NRG3: variants seen among roughly 807,000 people sequenced by gnomAD.
The protein encoded by NRG3 is neuregulin 3.
In NRG3, 31 loss-of-function variants were observed where a neutral mutation model predicts 66.9. The observed-to-expected ratio is 0.46, with a 90% CI of 0.35 to 0.63. The LOEUF is 0.63. Among genes scored for constraint, NRG3 ranks in the 20% least tolerant of loss-of-function variants. The pLI, the probability that NRG3 is intolerant of heterozygous loss-of-function variation, is 0.00. For synonymous variants in NRG3, 393 were observed against 359.4 expected (o/e 1.09, Z -1.06); for missense variants, 910 against 878.9 (o/e 1.04, Z -0.45).
intron 2 of NRG3, among the ~76,000 whole-genome samples, chr10:82,592,508 G>T (rs563413118): frequency 5.9e-5 from 9 of 152,116 alleles, no homozygotes; most frequent in Non-Finnish European, 1.2e-4. Context: ...TGCATTTTTC[G>T]TGGGTAGCTT....
intron 1 of NRG3, among the ~76,000 whole-genome samples, chr10:82,168,234 G>T (rs1165305736): frequency 6.6e-6 from 1 of 151,968 alleles, no homozygotes; most frequent in African/African-American, 2.4e-5. Context: ...TCAACATTTG[G>T]CTGTCTGCTT....
At chr10:82,456,745 A>T (rs1296735915) in intron 2 of NRG3, among the ~76,000 whole-genome samples, 1 of 152,148 alleles carries the variant, frequency 6.6e-6, no homozygotes, top group Non-Finnish European at 1.5e-5. Context: ...CAAATAAAAC[A>T]ACTCCCTAGA....
chr10:82,468,177 T>C (rs888440005), intron 2 of NRG3, among the ~76,000 whole-genome samples: 2 of 152,216 alleles, frequency 1.3e-5, no homozygotes, highest in African/African-American at 4.8e-5. Flanking sequence ...AACTAGGATT[T>C]AAACCCAGGT....
chr10:82,785,646 A>T (rs897384476), intron 3 of NRG3, among the ~76,000 whole-genome samples: 1 of 152,216 alleles, frequency 6.6e-6, no homozygotes, highest in African/African-American at 2.4e-5. Context: ...GGGATGAACT[A>T]GGACATCTGT....
intron 1 of NRG3, among the ~76,000 whole-genome samples, chr10:81,943,064 T>G (rs1310145975): frequency 6.6e-6 from 1 of 152,124 alleles, no homozygotes; most frequent in Non-Finnish European, 1.5e-5. Context: ...ACACTTTACA[T>G]CTCTTATTTA....
chr10:82,734,578 A>G (rs917230099), intron 2 of NRG3, among the ~76,000 whole-genome samples: 1 of 151,886 alleles, frequency 6.6e-6, no homozygotes, highest in African/African-American at 2.4e-5. Flanking sequence ...TGAGGGACCA[A>G]TCTCTCTTAT....
intron 1 of NRG3, among the ~76,000 whole-genome samples, chr10:82,021,786 A>G (rs5786524): frequency 0.024 from 1,469 of 61,092 alleles, 48 homozygotes; most frequent in African/African-American, 0.064. Context: ...GGCATGTAGT[A>G]TGTGTGTGTG....
At chr10:82,734,451 T>C (rs577409890) in intron 2 of NRG3, among the ~76,000 whole-genome samples, 1 of 152,198 alleles carries the variant, frequency 6.6e-6, no homozygotes, top group Non-Finnish European at 1.5e-5. Flanking sequence ...TAAGGCAAGA[T>C]TTGCTGTGGG....
At chr10:82,459,314 C>T (rs1159509903) in intron 2 of NRG3, among the ~76,000 whole-genome samples, 1 of 152,168 alleles carries the variant, frequency 6.6e-6, no homozygotes, top group African/African-American at 2.4e-5. Context: ...CAGAGTTGCA[C>T]TGGTTTCTAA....
intron 1 of NRG3, among the ~76,000 whole-genome samples, chr10:82,101,718 A>G (rs1422505437): frequency 6.6e-6 from 1 of 151,584 alleles, no homozygotes; most frequent in Non-Finnish European, 1.5e-5. Context: ...ATTATTTTAA[A>G]TTTGCTAAGG....
At chr10:82,371,504 T>C (rs546395101) in intron 2 of NRG3, among the ~76,000 whole-genome samples, 60 of 152,274 alleles carry the variant, frequency 3.9e-4, no homozygotes, top group Non-Finnish European at 7.4e-5. Context: ...AAGAATATAG[T>C]GATGAATGTT....
chr10:82,967,400 A>T (rs974758266), intron 6 of NRG3, among the ~76,000 whole-genome samples: 2 of 151,910 alleles, frequency 1.3e-5, no homozygotes, highest in Non-Finnish European at 2.9e-5. Flanking sequence ...ATAAATTTCC[A>T]CTCCAACAGT....
chr10:82,889,582 T>A (rs537344632), intron 4 of NRG3, among the ~76,000 whole-genome samples: 1 of 152,178 alleles, frequency 6.6e-6, no homozygotes. Flanking sequence ...GTTAGAATGG[T>A]CTAGATTTAA....
intron 4 of NRG3, among the ~76,000 whole-genome samples, chr10:82,905,378 A>G (rs1002550592): frequency 6.6e-6 from 1 of 152,042 alleles, no homozygotes; most frequent in Non-Finnish European, 1.5e-5. Context: ...TTCTGTGTTG[A>G]CAGTGATTAT....
At position 82,233,140 on chromosome 10, in the gene NRG3, G is replaced by A. The variant is rs375894847; in HGVS notation, c.824-125599G>A. Among the ~76,000 whole-genome samples the A allele has an allele frequency of 5.9e-5, 9 of 152,250 alleles. No individual in the cohort carries two copies. In the East Asian group the frequency reaches 9.7e-4, roughly 16 times the overall value. ...AGCACTTCGGGAGGCCGAGGCAGGC[G>A]GATCACGAGGTCAGGAGATCAAGAC... On this transcript the variant is annotated intron_variant, in intron 1 of 8. Coordinates refer to ENST00000372141, the MANE Select transcript of NRG3 (RefSeq NM_001010848.4).
intron 2 of NRG3, among the ~76,000 whole-genome samples, chr10:82,461,788 A>G (rs1222584766): frequency 6.6e-6 from 1 of 152,204 alleles, no homozygotes; most frequent in Non-Finnish European, 1.5e-5. Flanking sequence ...CTGAAGCAGT[A>G]TTCAAATGTA....
At chr10:82,109,577 G>GTGTGTA (rs1341763664) in intron 1 of NRG3, among the ~76,000 whole-genome samples, 2 of 125,238 alleles carry the variant, frequency 1.6e-5, no homozygotes, top group Admixed American at 7.9e-5. Flanking sequence ...GTGTGTGTGT[G>GTGTGTA]TATATATATA....
Position 81,875,795 on chromosome 10 carries a change from A to G in NRG3, c.455A>G (p.Asn152Ser), listed in dbSNP as rs1841567975. 5 of 1,610,030 alleles carry G rather than the reference A, an allele frequency of 3.1e-6. No homozygotes were observed. Among genetic ancestry groups the G allele is most frequent in the Non-Finnish European group, 3.4e-6 (4 of 1,179,824 alleles). ...GGTGCCGCCTCCTCCAGGACGCCCAACCGGATTAGCACTCGCCTGACCACC... is the reference window on the plus strand; with the variant it reads ...GGTGCCGCCTCCTCCAGGACGCCCAGCCGGATTAGCACTCGCCTGACCACC... ...AGGAASSRTP[N>S]RISTRLTTIT... is the part of the protein sequence containing the mutation. The change falls in exon 1 of 9, where the codon AAC becomes AGC. Residue 152 changes from asparagine (N) to serine (S), a missense_variant. Transcript: ENST00000372141. This position sits in a 1 kb window ranked among gnomAD's most constrained non-coding sequence, Gnocchi z 5.3.
intron 1 of NRG3, among the ~76,000 whole-genome samples, chr10:82,218,755 C>T (rs1934710657): frequency 6.6e-6 from 1 of 152,126 alleles, no homozygotes; most frequent in Non-Finnish European, 1.5e-5. Flanking sequence ...TACCACCTCC[C>T]ATGATCTTGT....
Sources: gnomAD v4.1 joint callset for allele counts (sites outside exome capture counted in the v4.1 genomes callset) on GRCh38, gnomAD v4.1.1 for gene constraint, Gnocchi (gnomAD v3.1) non-coding constraint, MANE v1.5 for transcripts, NCBI Gene and HGNC (gene_info 2026-07-23, HGNC 2026-07-21) for gene names.